Variants in DLGAP2 observed in about 807,000 individuals in gnomAD.
The protein encoded by DLGAP2 is DLG associated protein 2, also known as disks large-associated protein 2.
DLGAP2 carries 26 observed loss-of-function variants against 100.3 expected under a neutral mutation model. The observed-to-expected ratio is 0.26, with a 90% CI of 0.19 to 0.36. The LOEUF is 0.36. Among genes scored for constraint, DLGAP2 ranks in the 10% least tolerant of loss-of-function variants. DLGAP2 has a pLI of 1.00. For synonymous variants in DLGAP2, 886 were observed against 630.1 expected (o/e 1.41, Z -6.08); for missense variants, 1,858 against 1,453.2 (o/e 1.28, Z -4.53).
In DLGAP2 at chr8:840,576, ACGCCTG is replaced by A. The variant is rs1474472570; in HGVS notation, c.19-67334_19-67329del. 7.0e-4 allele frequency among the ~76,000 whole-genome samples: 58 copies of A among 83,370 alleles called. 2 individuals are homozygous for A. Among genetic ancestry groups the A allele is most frequent in the Middle Eastern group, 6.8e-3 (1 of 146 alleles). 54.7% of individuals were successfully genotyped at this position (83,370 alleles called of 152,430 possible). On this transcript the variant is annotated intron_variant, in intron 1 of 14. Coordinates refer to ENST00000637795, the MANE Select transcript of DLGAP2 (RefSeq NM_001346810.2). ...TTCTGCGAGCGCGTCCACACGGTGCACGCCTGCACGTCTCCCCACACTCTGGATTCT... is the reference window on the plus strand; with the variant it reads ...TTCTGCGAGCGCGTCCACACGGTGCACACGTCTCCCCACACTCTGGATTCT...
chr8:1,587,747 G>T (rs570788051), intron 6 of DLGAP2, among the ~76,000 whole-genome samples: 3 of 152,178 alleles, frequency 2.0e-5, no homozygotes, highest in African/African-American at 7.2e-5. Context: ...TTTATAATGT[G>T]TAAAATTATT....
At chr8:821,019 A>G (rs1274104786) in intron 1 of DLGAP2, among the ~76,000 whole-genome samples, 1 of 152,222 alleles carries the variant, frequency 6.6e-6, no homozygotes, top group East Asian at 1.9e-4. Flanking sequence ...TGACAGTCAC[A>G]TAAAATGTAC....
intron 2 of DLGAP2, among the ~76,000 whole-genome samples, chr8:1,155,730 G>A (rs1046562448): frequency 6.6e-6 from 1 of 152,148 alleles, no homozygotes; most frequent in Non-Finnish European, 1.5e-5. Flanking sequence ...CCGTCCGCGC[G>A]GGCTGCGTCC....
chr8:1,177,108 A>T (rs1053454975), intron 2 of DLGAP2, among the ~76,000 whole-genome samples: 1 of 152,190 alleles, frequency 6.6e-6, no homozygotes, highest in Non-Finnish European at 1.5e-5. Context: ...CTAACCTGTT[A>T]TACGTGGTCT....
rs574648176 is a variant in DLGAP2, at chr8:1,187,284, C to G, written c.74-71567C>G. 2.0e-5 allele frequency among the ~76,000 whole-genome samples: 3 copies of G among 151,798 alleles called. No individual in the cohort carries two copies. The East Asian group carries it at 5.9e-4, about 30-fold the overall frequency. Reference sequence around the variant, plus strand: ...CACGGGACCTCTGTGACGTTTGTCTCATGGAATCTCACATGCCCGGGACCT... The same window carrying G: ...CACGGGACCTCTGTGACGTTTGTCTGATGGAATCTCACATGCCCGGGACCT... On this transcript the variant is annotated intron_variant, in intron 2 of 14. Transcript: ENST00000637795.
intron 2 of DLGAP2, among the ~76,000 whole-genome samples, chr8:1,195,655 G>T (rs1181119520): frequency 6.6e-6 from 1 of 152,056 alleles, no homozygotes; most frequent in East Asian, 1.9e-4. Flanking sequence ...TCTTCCAAAG[G>T]ATTCTCTTCT....
intron 2 of DLGAP2, among the ~76,000 whole-genome samples, chr8:980,403 A>T (rs1288168558): frequency 6.6e-6 from 1 of 152,218 alleles, no homozygotes; most frequent in African/African-American, 2.4e-5. Context: ...TTCTAAAAAC[A>T]CAAAGTCAAC....
At chr8:1,383,306 G>A (rs1365589821) in intron 3 of DLGAP2, among the ~76,000 whole-genome samples, 1 of 152,222 alleles carries the variant, frequency 6.6e-6, no homozygotes, top group African/African-American at 2.4e-5. Flanking sequence ...TCTCAAATAT[G>A]GAAAAGGTGT....
intron 14 of DLGAP2, among the ~76,000 whole-genome samples, chr8:1,698,519 A>T (rs1799468388): frequency 6.8e-6 from 1 of 147,674 alleles, no homozygotes; most frequent in African/African-American, 2.7e-5. Context: ...CACACATGGG[A>T]CAGGTCCATG....
chr8:1,409,620 A>G (rs115728835), intron 3 of DLGAP2, among the ~76,000 whole-genome samples: 2,618 of 152,218 alleles, frequency 0.017, 64 homozygotes, highest in African/African-American at 0.06. Flanking sequence ...CTGGGAAGAC[A>G]TTTTCCAGAT....
chr8:1,234,321 T>G (rs2116840576), intron 2 of DLGAP2, among the ~76,000 whole-genome samples: 1 of 152,284 alleles, frequency 6.6e-6, no homozygotes, highest in Admixed American at 6.5e-5. Context: ...GGCTGCTTTC[T>G]TCTGAGCCTG....
At chr8:1,468,166 C>G (rs116646982) in intron 3 of DLGAP2, among the ~76,000 whole-genome samples, 2,035 of 151,502 alleles carry the variant, frequency 0.013, 55 homozygotes, top group African/African-American at 0.047. Context: ...GCCTCGGTCC[C>G]TTCTGAGAAC....
In DLGAP2 at chr8:1,024,191, C is replaced by T. The variant is rs1468356820; in HGVS notation, c.73+116225C>T. 1.8e-5 allele frequency among the ~76,000 whole-genome samples: 2 copies of T among 113,386 alleles called. 1 individual carries two copies. The highest frequency in any genetic ancestry group is 4.3e-5 in the Non-Finnish European group (2 of 47,048). 74.4% of individuals were successfully genotyped at this position (113,386 alleles called of 152,430 possible). On this transcript the variant is annotated intron_variant, in intron 2 of 14. Transcript: ENST00000637795. ...CACCCTCCCTGGGGGTGGACAGTTC[C>T]GTGCCGAGGTAGACACTCCAAACAC... is the stretch of plus-strand genomic sequence containing the variant.
At chr8:1,079,848 C>A (rs554215311) in intron 2 of DLGAP2, among the ~76,000 whole-genome samples, 1 of 152,228 alleles carries the variant, frequency 6.6e-6, no homozygotes, top group Non-Finnish European at 1.5e-5. Context: ...GTGAGGATTT[C>A]ACAGGAGAGC....
At chr8:1,039,880 G>GTT (rs1802269553) in intron 2 of DLGAP2, among the ~76,000 whole-genome samples, 1 of 148,184 alleles carries the variant, frequency 6.7e-6, no homozygotes. Flanking sequence ...CATTGTGCAT[G>GTT]GTCGGCTCGG....
chr8:1,463,050 A>C (rs1798504637), intron 3 of DLGAP2, among the ~76,000 whole-genome samples: 2 of 152,136 alleles, frequency 1.3e-5, no homozygotes, highest in Non-Finnish European at 2.9e-5. Context: ...GGAGTTCAAG[A>C]CCAGCTGGGC....
intron 6 of DLGAP2, among the ~76,000 whole-genome samples, chr8:1,616,898 C>A (rs146284326): frequency 4.3e-4 from 66 of 152,218 alleles, no homozygotes; most frequent in East Asian, 1.3e-3. Flanking sequence ...TTCTAACCTC[C>A]AGGAGGCCCC....
At chr8:757,957 G>T (rs908659596) in intron 1 of DLGAP2, among the ~76,000 whole-genome samples, 1 of 152,200 alleles carries the variant, frequency 6.6e-6, no homozygotes, top group East Asian at 1.9e-4. Flanking sequence ...GCAAGTGTGT[G>T]GGGTTGAGTC....
intron 2 of DLGAP2, among the ~76,000 whole-genome samples, chr8:1,223,462 C>T (rs906227774): frequency 1.2e-4 from 18 of 152,130 alleles, no homozygotes; most frequent in African/African-American, 3.9e-4. Flanking sequence ...GGGTGGATGA[C>T]ATTTCTCTTT....
Sources: gnomAD v4.1 joint callset for allele counts (sites outside exome capture counted in the v4.1 genomes callset) on GRCh38, gnomAD v4.1.1 for gene constraint, MANE v1.5 for transcripts, NCBI Gene and HGNC (gene_info 2026-07-23, HGNC 2026-07-21) for gene names.